Variants in EYS observed in about 807,000 individuals in gnomAD.
EYS encodes EGF-like photoreceptor maintenance factor, also known as protein eyes shut homolog.
Under a neutral mutation model 282.1 loss-of-function variants are expected in EYS, and 250 were observed. That is an observed-to-expected ratio of 0.89 (90% confidence interval 0.80 to 0.98). The LOEUF (loss-of-function observed/expected upper bound fraction) is 0.98, where lower values mean the gene tolerates loss of function less well. Ranked by LOEUF, EYS falls within the 50% of genes least tolerant of loss-of-function variation. EYS has a pLI of 0.00. For synonymous variants in EYS, 1,355 were observed against 1,282.9 expected, an observed-to-expected ratio of 1.06 and a Z score of -1.20; for missense variants, 4,016 against 3,709.0, an observed-to-expected ratio of 1.08 and a Z score of -2.15.
At chr6:65,312,171 C>T (rs1427294753) in intron 11 of EYS, among the ~76,000 whole-genome samples, 21 of 151,168 alleles carry the variant, frequency 1.4e-4, no homozygotes, top group African/African-American at 4.6e-4. Flanking sequence ...AGAATATTTA[C>T]TATGCCTTCC....
chr6:65,582,225 A>ATAAG (rs1467312756), intron 2 of EYS, among the ~76,000 whole-genome samples: 1 of 151,436 alleles, frequency 6.6e-6, no homozygotes, highest in African/African-American at 2.4e-5. Context: ...AAATAAATAA[A>ATAAG]TAAATAAAAG....
chr6:65,274,340 T>A (rs1046892382), intron 12 of EYS, among the ~76,000 whole-genome samples: 2 of 152,232 alleles, frequency 1.3e-5, no homozygotes. Context: ...CTCCTCTATT[T>A]GATCTGTGCA....
At position 65,442,910 on chromosome 6, in the gene EYS, GCACATACATA is replaced by G. The variant is rs1768413275; in HGVS notation, c.863-37553_863-37544del. Among the ~76,000 whole-genome samples the G allele has an allele frequency of 2.3e-5, 2 of 86,690 alleles. 1 individual carries two copies. Among genetic ancestry groups the G allele is most frequent in the Non-Finnish European group, 6.4e-5 (2 of 31,444 alleles). 56.9% of individuals were successfully genotyped at this position (86,690 alleles called of 152,430 possible). A position where few individuals can be genotyped will look rare whatever the true frequency, so the allele number is the denominator to read the frequency against. Reference sequence around the variant, plus strand: ...TATGTACATATATGTATATATACATGCACATACATATGTACATATATGTATATACGTATAT... The same window carrying G: ...TATGTACATATATGTATATATACATGTGTACATATATGTATATACGTATAT... On this transcript the variant is annotated intron_variant, in intron 5 of 42. Coordinates refer to ENST00000503581, the MANE Select transcript of EYS (RefSeq NM_001142800.2).
At chr6:64,604,326 T>C (rs1235128526) in intron 24 of EYS, among the ~76,000 whole-genome samples, 1 of 152,050 alleles carries the variant, frequency 6.6e-6, no homozygotes, top group African/African-American at 2.4e-5. Context: ...TTTTCAAGTA[T>C]GTCAGTCAAT....
chr6:64,820,794 C>G (rs78336483), intron 21 of EYS, among the ~76,000 whole-genome samples: 5,951 of 152,140 alleles, frequency 0.039, 137 homozygotes, highest in Non-Finnish European at 0.06. Flanking sequence ...TTTAACTACT[C>G]CATCACCCCT....
At chr6:65,133,875 AAAGGTCTAATATCTAGCATCTAT>A (rs1400824925) in intron 12 of EYS, among the ~76,000 whole-genome samples, 1 of 152,122 alleles carries the variant, frequency 6.6e-6, no homozygotes, top group East Asian at 1.9e-4. Context: ...TGCAACTGAC[AAAGGTCTAATATCTAGCATCTAT>A]AAGGAACTTA....
Position 64,492,197 on chromosome 6 carries a change from G to T in EYS, c.5645-52845C>A, listed in dbSNP as rs138497222. ...TGCTACATCAGAAATGAGAAAGTGGGAAATGTGAAAGGTAAATTGTCAAAA... is the reference window on the plus strand; with the variant it reads ...TGCTACATCAGAAATGAGAAAGTGGTAAATGTGAAAGGTAAATTGTCAAAA... On this transcript the variant is annotated intron_variant, in intron 26 of 42. Coordinates refer to ENST00000503581, the MANE Select transcript of EYS (RefSeq NM_001142800.2). Among the ~76,000 whole-genome samples, 321 of 151,192 alleles carry T rather than the reference G, an allele frequency of 2.1e-3. 2 individuals are homozygous for T. Among genetic ancestry groups the T allele is most frequent in the African/African-American group, 6.5e-3 (269 of 41,424 alleles).
At chr6:65,705,247 C>A (rs921204590) in intron 1 of EYS, among the ~76,000 whole-genome samples, 2 of 152,178 alleles carry the variant, frequency 1.3e-5, no homozygotes, top group African/African-American at 2.4e-5. Flanking sequence ...TGGCTACTGC[C>A]ATTTAGGGCA....
chr6:64,005,481 T>G (rs188285354), intron 33 of EYS, among the ~76,000 whole-genome samples: 6 of 152,244 alleles, frequency 3.9e-5, no homozygotes, highest in Non-Finnish European at 7.4e-5. Flanking sequence ...AATTAGGTCT[T>G]ATTTGTCAAG....
intron 22 of EYS, among the ~76,000 whole-genome samples, chr6:64,785,765 A>T (rs1773996649): frequency 6.6e-6 from 1 of 152,176 alleles, no homozygotes; most frequent in African/African-American, 2.4e-5. Context: ...TATTTTTATG[A>T]TGTATTGTGC....
intron 29 of EYS, among the ~76,000 whole-genome samples, chr6:64,314,688 T>C (rs892457598): frequency 2.6e-5 from 4 of 151,976 alleles, no homozygotes; most frequent in Non-Finnish European, 1.5e-5. Context: ...ACTGGGTAAA[T>C]AACAAAATTA....
Position 65,539,427 on chromosome 6 carries a change from A to C in EYS, c.-332-43434T>G, listed in dbSNP as rs571010904. ...ACTAATCAGATAGCAATTTCTGAGA[A>C]AGCTATGATATACAATATAAATATA... is the stretch of plus-strand genomic sequence containing the variant. On this transcript the variant is annotated intron_variant, in intron 2 of 42. Transcript: ENST00000503581. Among the ~76,000 whole-genome samples the C allele has an allele frequency of 2.0e-4, 30 of 152,310 alleles. No individual in the cohort carries two copies. The East Asian group carries it at 5.6e-3, about 28-fold the overall frequency.
At chr6:64,988,690 A>G (rs140557012) in intron 14 of EYS, among the ~76,000 whole-genome samples, 1,815 of 151,772 alleles carry the variant, frequency 0.012, 39 homozygotes, top group African/African-American at 0.041. Flanking sequence ...AAGAATTGAC[A>G]TTAGTGGTTA....
intron 9 of EYS, among the ~76,000 whole-genome samples, chr6:65,348,241 A>G (rs1770474575): frequency 6.6e-6 from 1 of 151,752 alleles, no homozygotes; most frequent in African/African-American, 2.4e-5. Context: ...TCATTTGAGT[A>G]TATACCTAGC....
In EYS at chr6:64,064,548, C is replaced by T. The variant is rs547567782; in HGVS notation, c.6725+1790G>A. Among the ~76,000 whole-genome samples, 23 of 152,212 alleles carry T rather than the reference C, an allele frequency of 1.5e-4. No individual in the cohort carries two copies. In the South Asian group the frequency reaches 4.8e-3, roughly 32 times the overall value. ...CATTCATAGGGATATCTCCTTTTTA[C>T]TTTCTTAAGTTTTGATAAAATTAAT... On this transcript the variant is annotated intron_variant, in intron 33 of 42. Coordinates refer to ENST00000503581, the MANE Select transcript of EYS (RefSeq NM_001142800.2).
intron 19 of EYS, among the ~76,000 whole-genome samples, chr6:64,855,864 A>C (rs139938940): frequency 6.6e-6 from 1 of 152,196 alleles, no homozygotes; most frequent in Middle Eastern, 3.2e-3. Flanking sequence ...AGAATCATAC[A>C]TTATGTACTC....
At chr6:64,084,103 T>G (rs1772068974) in intron 31 of EYS, among the ~76,000 whole-genome samples, 1 of 152,374 alleles carries the variant, frequency 6.6e-6, no homozygotes, top group Non-Finnish European at 1.5e-5. Context: ...TAGTGCTGTT[T>G]ATTTGAAATT....
chr6:63,951,562 A>G (rs1281377685), intron 35 of EYS, among the ~76,000 whole-genome samples: 1 of 151,708 alleles, frequency 6.6e-6, no homozygotes, highest in Non-Finnish European at 1.5e-5. Flanking sequence ...CCCTAGACTG[A>G]TCCTCCTCAG....
At chr6:65,108,060 T>C (rs1298910849) in intron 12 of EYS, among the ~76,000 whole-genome samples, 1 of 152,098 alleles carries the variant, frequency 6.6e-6, no homozygotes, top group Non-Finnish European at 1.5e-5. Context: ...AAAATAGTAT[T>C]TTGCATTTAC....
Sources: gnomAD v4.1 joint callset for allele counts (sites outside exome capture counted in the v4.1 genomes callset) on GRCh38, gnomAD v4.1.1 for gene constraint, MANE v1.5 for transcripts, NCBI Gene and HGNC (gene_info 2026-07-23, HGNC 2026-07-21) for gene names.